The following ADAMTSL1 variants were observed in gnomAD, a reference collection of about 807,000 sequenced individuals.
ADAMTSL1 encodes ADAMTS like 1, also known as ADAMTS-like protein 1.
A neutral mutation model predicts 201.8 loss-of-function variants in ADAMTSL1; 126 were observed. The ratio of observed to expected loss-of-function variants is 0.62; its 90% CI spans 0.54 to 0.72. The LOEUF (loss-of-function observed/expected upper bound fraction) is 0.72, where lower values mean the gene tolerates loss of function less well. Ranked by LOEUF, ADAMTSL1 falls within the 30% of genes least tolerant of loss-of-function variation. The pLI, the probability that ADAMTSL1 is intolerant of heterozygous loss-of-function variation, is 0.00. For missense variants in ADAMTSL1, 2,679 were observed against 2,277.8 expected (o/e 1.18, Z -3.59); for synonymous variants, 1,121 against 903.4 (o/e 1.24, Z -4.32).
chr9:18,799,994 T>G (rs1363951340), intron 20 of ADAMTSL1, among the ~76,000 whole-genome samples: 5 of 151,652 alleles, frequency 3.3e-5, no homozygotes, highest in African/African-American at 9.7e-5. Context: ...CAAAGGAGAG[T>G]TTTGCTTCAT....
At chr9:18,524,653 G>A (rs1159373790) in intron 2 of ADAMTSL1, among the ~76,000 whole-genome samples, 1 of 152,058 alleles carries the variant, frequency 6.6e-6, no homozygotes. Flanking sequence ...AGCATGAAGG[G>A]GTGTTGAATT....
chr9:18,197,998 G>A (rs1829262922), intron 2 of ADAMTSL1, among the ~76,000 whole-genome samples: 1 of 152,128 alleles, frequency 6.6e-6, no homozygotes, highest in African/African-American at 2.4e-5. Context: ...AGAAAAACAA[G>A]CAATGGGGAA....
In ADAMTSL1 at chr9:18,275,545, C is replaced by G. The variant is rs112073143; in HGVS notation, c.207+111564C>G. The stretch of plus-strand genomic sequence containing the variant: ...ATCTCACCTTAGCCCTAGGCAACTA[C>G]TGATCTGGTTTTTTTTGCCACTACA... On this transcript the variant is annotated intron_variant, in intron 2 of 29. Transcript: ENST00000680146. Among the ~76,000 whole-genome samples the G allele has an allele frequency of 3.9e-5, 6 of 152,252 alleles. 1 individual carries two copies. The highest frequency in any genetic ancestry group is 1.2e-4 in the African/African-American group (5 of 41,544).
At chr9:18,891,427 C>A (rs1374250215) in intron 25 of ADAMTSL1, among the ~76,000 whole-genome samples, 2 of 152,176 alleles carry the variant, frequency 1.3e-5, no homozygotes, top group African/African-American at 4.8e-5. Context: ...GCGATTTCCC[C>A]AAGCTCTCTC....
chr9:18,509,313 C>G (rs1230842380), intron 2 of ADAMTSL1, among the ~76,000 whole-genome samples: 3 of 148,154 alleles, frequency 2.0e-5, no homozygotes, highest in Non-Finnish European at 4.5e-5. Flanking sequence ...AGTTTTTTCC[C>G]TCAACAACTG....
chr9:18,784,530 C>G (rs562211537), intron 19 of ADAMTSL1, among the ~76,000 whole-genome samples: 5 of 152,290 alleles, frequency 3.3e-5, no homozygotes, highest in African/African-American at 1.2e-4. Flanking sequence ...ATACCTGTTC[C>G]TAACCAAACA....
chr9:18,545,435 G>C (rs1051845674), intron 3 of ADAMTSL1, among the ~76,000 whole-genome samples: 11 of 152,002 alleles, frequency 7.2e-5, no homozygotes, highest in South Asian at 4.1e-4. Context: ...AAAGTTTAAG[G>C]CTCAAGCATT....
chr9:18,522,310 AAAT>A (rs1362885785), intron 2 of ADAMTSL1, among the ~76,000 whole-genome samples: 6 of 152,316 alleles, frequency 3.9e-5, no homozygotes, highest in Admixed American at 2.6e-4. Flanking sequence ...AAATTATTTA[AAAT>A]AATAATAACA....
chr9:18,777,652 C>T lies in ADAMTSL1; in HGVS notation c.3423C>T (p.Phe1141=), dbSNP rs1821137526. 1 of 1,613,584 alleles carries T rather than the reference C, an allele frequency of 6.2e-7. No homozygotes were observed. The highest frequency in any genetic ancestry group is 8.5e-7 in the Non-Finnish European group (1 of 1,179,844). The part of the protein sequence containing the change: ...TLSPHKHVSG[F]SSSLRTSSTG... ...CGCCTCATAAACACGTGTCTGGCTT[C>T]AGCAGCTCCCTGCGGACCTCCTCCA... The change falls in exon 19 of 29, where the codon TTC becomes TTT. Residue 1141 remains phenylalanine, a synonymous_variant. Coordinates refer to ENST00000380548, the MANE Select transcript of ADAMTSL1 (RefSeq NM_001040272.6).
At chr9:18,515,459 C>T (rs1360766028) in intron 2 of ADAMTSL1, among the ~76,000 whole-genome samples, 6 of 152,124 alleles carry the variant, frequency 3.9e-5, no homozygotes, top group African/African-American at 7.2e-5. Context: ...CTCAGCCTCC[C>T]GAGTAGCTGG....
At chr9:17,917,665 T>G (rs985017848) in intron 1 of ADAMTSL1, among the ~76,000 whole-genome samples, 1 of 152,028 alleles carries the variant, frequency 6.6e-6, no homozygotes, top group African/African-American at 2.4e-5. Context: ...TTGAAATATC[T>G]TTGGTTTTGG....
intron 2 of ADAMTSL1, among the ~76,000 whole-genome samples, chr9:18,256,152 C>T (rs918380379): frequency 1.3e-5 from 2 of 152,168 alleles, no homozygotes; most frequent in African/African-American, 4.8e-5. Context: ...CTACATTCTG[C>T]ACCTTTAAAT....
intron 4 of ADAMTSL1, 45 bp downstream of exon 4, chr9:18,574,311 A>G (rs1409278150): frequency 4.6e-6 from 7 of 1,519,784 alleles, no homozygotes; most frequent in Non-Finnish European, 5.5e-6. Flanking sequence ...GAGGGTTTCA[A>G]TGTCTTTGTG....
chr9:18,682,867 T>A (rs993677508), intron 12 of ADAMTSL1, among the ~76,000 whole-genome samples: 3 of 151,990 alleles, frequency 2.0e-5, no homozygotes, highest in Non-Finnish European at 4.4e-5. Flanking sequence ...AAATCCTGAT[T>A]AACTTTAATA....
intron 16 of ADAMTSL1, among the ~76,000 whole-genome samples, chr9:18,759,039 T>C (rs1476935028): frequency 5.3e-5 from 8 of 152,246 alleles, no homozygotes; most frequent in African/African-American, 1.9e-4. Context: ...TGAAAAGAAT[T>C]GGTCCACTTT....
chr9:18,722,415 A>G (rs1833448441), intron 15 of ADAMTSL1, among the ~76,000 whole-genome samples: 2 of 152,220 alleles, frequency 1.3e-5, no homozygotes, highest in Admixed American at 1.3e-4. Flanking sequence ...ATGTTGCTGA[A>G]TAGGGTCAGA....
At chr9:18,510,733 A>G (rs1411306423) in intron 2 of ADAMTSL1, among the ~76,000 whole-genome samples, 1 of 151,970 alleles carries the variant, frequency 6.6e-6, no homozygotes, top group African/African-American at 2.4e-5. Context: ...ATCGCTAAGT[A>G]GAATATAATA....
rs192305785 is a variant in ADAMTSL1 at position 18,050,190 on chromosome 9, A to T, written c.88-113672A>T. On this transcript the variant is annotated intron_variant, in intron 1 of 29. Transcript: ENST00000680146. ...ATAGAAGACATAAAATGTCCTGCTT[A>T]AACTATTCATGATTAAAATAAAAAT... is the stretch of plus-strand genomic sequence containing the variant. Among the ~76,000 whole-genome samples the T allele has an allele frequency of 4.2e-4, 64 of 152,360 alleles. 1 individual carries two copies. Among genetic ancestry groups the T allele is most frequent in the Admixed American group, 5.9e-4 (9 of 15,302 alleles).
rs1821114066 is a variant in ADAMTSL1 at position 18,777,453 on chromosome 9, A to G, written c.3224A>G (p.Gln1075Arg). ...LHLPFTMVTE[Q>R]RRLDDILGNL... ...CTGCCCTTCACCATGGTGACCGAGC[A>G]GCGGCGCCTGGACGACATCCTGGGG... The change falls in exon 19 of 29, where the codon CAG (glutamine) becomes CGG (arginine). Residue 1075 changes from glutamine to arginine, a missense_variant. By Grantham distance (43) the Gln-to-Arg change is conservative. Transcript: ENST00000380548. The G allele has an allele frequency of 6.3e-7, 1 of 1,596,218 alleles. No individual in the cohort carries two copies. The highest frequency in any genetic ancestry group is 8.5e-7 in the Non-Finnish European group (1 of 1,171,738).
Sources: gnomAD v4.1 joint callset for allele counts (sites outside exome capture counted in the v4.1 genomes callset) on GRCh38, gnomAD v4.1.1 for gene constraint, MANE v1.5 for transcripts, NCBI Gene and HGNC (gene_info 2026-07-23, HGNC 2026-07-21) for gene names.